Variants in MTERF4 observed in about 807,000 individuals in gnomAD.
MTERF4 encodes the protein transcription termination factor 4, mitochondrial.
A neutral mutation model predicts 22.5 loss-of-function variants in MTERF4; 17 were observed. The observed-to-expected ratio is 0.75, with a 90% CI of 0.52 to 1.13. The LOEUF is 1.13. MTERF4 is among the 50% of genes most tolerant of loss of function. MTERF4 has a pLI of 0.00. For synonymous variants in MTERF4, 165 were observed against 175.3 expected (o/e 0.94, Z 0.47); for missense variants, 420 against 466.8 (o/e 0.90, Z 0.92).
the MTERF4 span, among the ~76,000 whole-genome samples, chr2:241,062,584 T>G: frequency 6.6e-6 from 1 of 152,192 alleles, no homozygotes; most frequent in African/African-American, 2.4e-5. Context: ...AAGCCCGCCC[T>G]GCTGCTTCAC....
chr2:241,089,010 GC>G, downstream of MTERF4: 2 of 308,110 alleles, frequency 6.5e-6, no homozygotes, highest in South Asian at 1.3e-4. Context: ...ACTTCCTCTC[GC>G]CTTTGTTTAA....
chr2:241,072,046 C>T (rs567575081), downstream of MTERF4: 6 of 717,850 alleles, frequency 8.4e-6, no homozygotes, highest in Admixed American at 4.0e-5. Context: ...CGTGGGCCGC[C>T]GGCAGCATGC....
At chr2:241,064,268 C>T in the MTERF4 span, 1 of 612,094 alleles carries the variant, frequency 1.6e-6, no homozygotes, top group East Asian at 3.0e-5. The surrounding 1 kb of genome is among the most constrained non-coding windows in gnomAD (Gnocchi z 7.0). Flanking sequence ...TTGGAAGTCC[C>T]CTTCTCAGGC....
chr2:241,101,299 C>A, intron 1 of MTERF4: 1 of 397,090 alleles, frequency 2.5e-6, no homozygotes, highest in South Asian at 1.8e-5. Context: ...CCCTCAAAGG[C>A]GCAGTTCACA....
At chr2:241,088,895 CA>C (rs2063728916), downstream of MTERF4, 1 of 200,844 alleles carries the variant, frequency 5.0e-6, no homozygotes, top group African/African-American at 2.3e-5. Context: ...AAAAGTGGGG[CA>C]GGGGCCTTGA....
chr2:241,058,854 G>A, the MTERF4 span, among the ~76,000 whole-genome samples: 1 of 152,096 alleles, frequency 6.6e-6, no homozygotes, highest in African/African-American at 2.4e-5. Flanking sequence ...GGAGGCTGAG[G>A]CAGGAGAATG....
At chr2:241,050,129 G>T in the MTERF4 span, 1 of 640,304 alleles carries the variant, frequency 1.6e-6, no homozygotes, top group South Asian at 1.7e-5. Flanking sequence ...ATCTGCACCA[G>T]TGCCAGGCCT....
intron 1 of MTERF4, 113 bp downstream of exon 1, chr2:241,102,140 C>G: frequency 6.8e-7 from 1 of 1,463,122 alleles, no homozygotes; most frequent in Non-Finnish European, 9.3e-7. Flanking sequence ...GTGCACGGAC[C>G]TCCGGGAGGG....
intron 2 of MTERF4, 57 bp from the exon 3 acceptor site, chr2:241,097,484 G>A (rs1254423808): frequency 6.6e-7 from 1 of 1,516,630 alleles, no homozygotes; most frequent in African/African-American, 1.4e-5. Context: ...AGAAACTCAA[G>A]GAGCTAGCTG....
the MTERF4 span, among the ~76,000 whole-genome samples, chr2:241,047,170 GTAAAT>G: frequency 0.41 from 54,383 of 132,306 alleles, 12,110 homozygotes; most frequent in African/African-American, 0.55. Context: ...AAAAAAAAAA[GTAAAT>G]TAGGTAAACT....
chr2:241,082,130 C>T (rs2063357025), downstream of MTERF4: 1 of 639,806 alleles, frequency 1.6e-6, no homozygotes, highest in Non-Finnish European at 2.7e-6. Flanking sequence ...AAGCCAGCTG[C>T]AGACCCCCGG....
intron 1 of MTERF4, among the ~76,000 whole-genome samples, chr2:241,101,755 T>G (rs2064718590): frequency 6.6e-6 from 1 of 152,242 alleles, no homozygotes; most frequent in African/African-American, 2.4e-5. Context: ...CAAACTCTTG[T>G]TCAACAGTCA....
Position 241,096,782 on chromosome 2 carries a change from T to C in MTERF4, c.706-344A>G, listed in dbSNP as rs2064453647. 2 of 523,724 alleles carry C rather than the reference T, an allele frequency of 3.8e-6. No individual in the cohort carries two copies. The highest frequency in any genetic ancestry group is 7.1e-6 in the Non-Finnish European group (2 of 282,086). 32.4% of individuals were successfully genotyped at this position (523,724 alleles called of 1,614,324 possible). A position where few individuals can be genotyped will look rare whatever the true frequency, so the allele number is the denominator to read the frequency against. ...AAAACATTCAGAAAACATCTAGAAA[T>C]TCGACCTAAGTTGTCATAATTATTA... On this transcript the variant is annotated intron_variant, in intron 3 of 3. Coordinates refer to ENST00000391980, the MANE Select transcript of MTERF4 (RefSeq NM_182501.4). This position sits in a 1 kb window ranked among gnomAD's most constrained non-coding sequence, Gnocchi z 5.1.
chr2:241,063,437 G>A, the MTERF4 span: 1 of 666,964 alleles, frequency 1.5e-6, no homozygotes, highest in Non-Finnish European at 2.8e-6. Context: ...GTGGGTTTGG[G>A]GCTGATGGAA....
At chr2:241,068,885 C>T (rs1369445480), downstream of MTERF4, 7 of 1,485,000 alleles carry the variant, frequency 4.7e-6, no homozygotes, top group South Asian at 3.7e-5. This position sits in a 1 kb window ranked among gnomAD's most constrained non-coding sequence, Gnocchi z 5.3. Flanking sequence ...CATCCCTGTT[C>T]TCTCTTTGTC....
chr2:241,048,735 C>T, the MTERF4 span: 7 of 1,612,582 alleles, frequency 4.3e-6, no homozygotes, highest in South Asian at 5.5e-5. Context: ...GCCAGTGCCC[C>T]CTGGGATTCT....
the MTERF4 span, chr2:241,065,334 G>T: frequency 6.2e-7 from 1 of 1,612,990 alleles, no homozygotes. Context: ...GATGGAGAGA[G>T]TGGAGGAGAG....
chr2:241,048,549 C>T, the MTERF4 span: 19 of 1,487,030 alleles, frequency 1.3e-5, no homozygotes, highest in African/African-American at 2.8e-5. Flanking sequence ...CGTGTGAGTG[C>T]GCGTCCACTG....
the MTERF4 span, among the ~76,000 whole-genome samples, chr2:241,043,096 G>A: frequency 2.6e-5 from 4 of 152,364 alleles, no homozygotes; most frequent in Non-Finnish European, 4.4e-5. Flanking sequence ...GGAGATGGGT[G>A]TGGAAAGGAG....
Sources: gnomAD v4.1 joint callset for allele counts (sites outside exome capture counted in the v4.1 genomes callset) on GRCh38, gnomAD v4.1.1 for gene constraint, Gnocchi (gnomAD v3.1) non-coding constraint, MANE v1.5 for transcripts, NCBI Gene and HGNC (gene_info 2026-07-23, HGNC 2026-07-21) for gene names.